HIVEP1: variants seen among roughly 807,000 people sequenced by gnomAD.
HIVEP1 encodes zinc finger protein 40.
In HIVEP1, 36 loss-of-function variants were observed where a neutral mutation model predicts 180.0. The ratio of observed to expected loss-of-function variants is 0.20; its 90% confidence interval spans 0.15 to 0.26. The LOEUF (loss-of-function observed/expected upper bound fraction) is 0.26, where lower values mean the gene tolerates loss of function less well. HIVEP1 is among the 10% of genes least tolerant of loss of function. The pLI, the probability that HIVEP1 is intolerant of heterozygous loss-of-function variation, is 1.00. For synonymous variants in HIVEP1, 1,239 were observed against 1,239.0 expected (o/e 1.00, Z 0.00); for missense variants, 3,143 against 3,268.7 (o/e 0.96, Z 0.94).
the HIVEP1 span, among the ~76,000 whole-genome samples, chr6:12,177,690 T>C: frequency 2.6e-5 from 4 of 152,204 alleles, no homozygotes; most frequent in African/African-American, 9.6e-5. Context: ...AAATGTCCCT[T>C]CTTGCTCTGA....
rs1274284524 is a variant in HIVEP1, at chr6:12,063,023, C to A, written c.41-26161C>A. ...ATTCTTGTGCTAAATGTGAAGACTCCCCTGTTAGTAGTAGTTATTGCTAAC... is the reference window on the plus strand; with the variant it reads ...ATTCTTGTGCTAAATGTGAAGACTCACCTGTTAGTAGTAGTTATTGCTAAC... On this transcript the variant is annotated intron_variant, in intron 2 of 8. Transcript: ENST00000379388. The surrounding 1 kb of genome is among the most constrained non-coding windows in gnomAD (Gnocchi z 4.2). Among the ~76,000 whole-genome samples the A allele has an allele frequency of 1.3e-5, 2 of 151,982 alleles. No individual in the cohort carries two copies. The highest frequency in any genetic ancestry group is 1.3e-4 in the Admixed American group (2 of 15,262).
intron 2 of HIVEP1, among the ~76,000 whole-genome samples, chr6:12,066,910 T>G (rs566704304): frequency 6.6e-6 from 1 of 152,186 alleles, no homozygotes; most frequent in African/African-American, 2.4e-5. Context: ...ACATACACTT[T>G]ATTATATATA....
At chr6:12,106,073 TAC>T (rs913345774) in intron 3 of HIVEP1, among the ~76,000 whole-genome samples, 8 of 151,752 alleles carry the variant, frequency 5.3e-5, no homozygotes, top group South Asian at 2.1e-4. Flanking sequence ...TACATATATA[TAC>T]ACACACACAT....
chr6:12,110,968 T>G (rs1417934249), intron 3 of HIVEP1, among the ~76,000 whole-genome samples: 1 of 152,186 alleles, frequency 6.6e-6, no homozygotes, highest in Non-Finnish European at 1.5e-5. Context: ...AATTTTAACA[T>G]TGTTGTGTCT....
chr6:12,183,098 T>A, the HIVEP1 span, among the ~76,000 whole-genome samples: 1 of 152,208 alleles, frequency 6.6e-6, no homozygotes. Context: ...AAAGAAAATG[T>A]GCTTTCAACT....
chr6:12,114,818 T>TA (rs1272681645), intron 3 of HIVEP1, among the ~76,000 whole-genome samples: 10 of 152,208 alleles, frequency 6.6e-5, no homozygotes, highest in Non-Finnish European at 4.4e-5. Flanking sequence ...TTGAGATTGA[T>TA]GCCTGAGTTC....
chr6:12,015,299 T>C (rs1179350609), intron 1 of HIVEP1, among the ~76,000 whole-genome samples: 2 of 152,230 alleles, frequency 1.3e-5, no homozygotes, highest in Non-Finnish European at 2.9e-5. Context: ...GTTTTTTTAC[T>C]CTTGTCTGAT....
intron 7 of HIVEP1, among the ~76,000 whole-genome samples, 165 bp downstream of exon 7, chr6:12,136,057 C>T (rs1466796004): frequency 6.6e-6 from 1 of 151,918 alleles, no homozygotes; most frequent in African/African-American, 2.4e-5. Flanking sequence ...GATTGTCCTC[C>T]TTCCTCCTTC....
chr6:12,139,284 T>G (rs1025114585), intron 7 of HIVEP1, among the ~76,000 whole-genome samples: 2 of 152,124 alleles, frequency 1.3e-5, no homozygotes, highest in African/African-American at 2.4e-5. Flanking sequence ...TCCTGCCTCT[T>G]TCTTGAACAC....
chr6:12,072,357 C>T lies in HIVEP1; in HGVS notation c.41-16827C>T, dbSNP rs371282604. Among the ~76,000 whole-genome samples the T allele has an allele frequency of 2.6e-5, 4 of 152,212 alleles. No homozygotes were observed. In the East Asian group the frequency reaches 7.7e-4, roughly 29 times the overall value. ...GAATTCTAGTTAGACATTTTTAAAT[C>T]CTGTTGCCTCGCTGCTTCTCCCTCC... On this transcript the variant is annotated intron_variant, in intron 2 of 8. Transcript: ENST00000379388.
At chr6:12,020,671 T>A (rs2113597501) in intron 2 of HIVEP1, among the ~76,000 whole-genome samples, 1 of 152,326 alleles carries the variant, frequency 6.6e-6, no homozygotes, top group Middle Eastern at 3.4e-3. Context: ...AGGTGTTACT[T>A]ACTTTAGTTG....
downstream of HIVEP1, among the ~76,000 whole-genome samples, chr6:12,167,655 GTTATATATACATATATACA>G (rs1760750644): frequency 9.7e-6 from 1 of 103,374 alleles, no homozygotes; most frequent in Non-Finnish European, 2.0e-5. Flanking sequence ...ACATATATAT[GTTATATATACATATATACA>G]TATATGTGTA....
intron 7 of HIVEP1, among the ~76,000 whole-genome samples, chr6:12,140,884 T>C (rs1758984255): frequency 6.6e-6 from 1 of 152,158 alleles, no homozygotes; most frequent in African/African-American, 2.4e-5. Flanking sequence ...AAACCAAATC[T>C]ACATTTGATT....
chr6:12,140,254 A>T (rs930814876), intron 7 of HIVEP1, among the ~76,000 whole-genome samples: 2 of 152,260 alleles, frequency 1.3e-5, no homozygotes, highest in African/African-American at 4.8e-5. Flanking sequence ...ACTCCAACAG[A>T]TGTGCAGCTG....
chr6:12,040,887 G>T (rs1316341802), intron 2 of HIVEP1, among the ~76,000 whole-genome samples: 1 of 151,596 alleles, frequency 6.6e-6, no homozygotes, highest in Non-Finnish European at 1.5e-5. Flanking sequence ...GTGGTGGGGG[G>T]GACGTGCCAC....
Position 12,121,519 on chromosome 6 carries a change from C to T in HIVEP1, c.1724C>T (p.Thr575Ile). The T allele has an allele frequency of 6.2e-7, 1 of 1,614,158 alleles. No homozygotes were observed. The highest frequency in any genetic ancestry group is 8.5e-7 in the Non-Finnish European group (1 of 1,180,034). Residue 575 changes from threonine (T) to isoleucine (I), a missense_variant, in exon 4 of 9, where the codon ACT becomes ATT. Coordinates refer to ENST00000379388, the MANE Select transcript of HIVEP1 (RefSeq NM_002114.4). This position sits in a 1 kb window ranked among gnomAD's most constrained non-coding sequence, Gnocchi z 5.3. ...VHHVTVSPLR[T>I]DSPKAMDPKP... ...CATGTCACTGTGTCCCCCTTAAGAACTGACAGTCCAAAGGCCATGGATCCC... is the reference window on the plus strand; with the variant it reads ...CATGTCACTGTGTCCCCCTTAAGAATTGACAGTCCAAAGGCCATGGATCCC...
At position 12,077,983 on chromosome 6, in the gene HIVEP1, G is replaced by C. The variant is rs1027985852; in HGVS notation, c.41-11201G>C. ...GAAAAGAGGCTATATCTTGCTTGCT[G>C]TTGTATTTCCCCCACAGAGAATTAC... On this transcript the variant is annotated intron_variant, in intron 2 of 8. Coordinates refer to ENST00000379388, the MANE Select transcript of HIVEP1 (RefSeq NM_002114.4). Among the ~76,000 whole-genome samples, 4 of 152,276 alleles carry C rather than the reference G, an allele frequency of 2.6e-5. No homozygotes were observed. The South Asian group carries it at 8.3e-4, about 32-fold the overall frequency.
chr6:12,186,561 A>AAAG, the HIVEP1 span, among the ~76,000 whole-genome samples: 481 of 149,688 alleles, frequency 3.2e-3, 5 homozygotes, highest in African/African-American at 0.011. Flanking sequence ...AAAAAAAAAA[A>AAAG]GGCGTATACT....
intron 2 of HIVEP1, among the ~76,000 whole-genome samples, chr6:12,019,105 T>A (rs1304440900): frequency 6.6e-6 from 1 of 152,206 alleles, no homozygotes; most frequent in Non-Finnish European, 1.5e-5. Context: ...TTAGCTCTAG[T>A]AAGCACACTA....
Sources: allele counts gnomAD v4.1 joint callset (sites outside exome capture counted in the v4.1 genomes callset), GRCh38; gene constraint gnomAD v4.1.1; non-coding constraint Gnocchi (gnomAD v3.1); transcripts MANE v1.5; gene names NCBI Gene and HGNC (gene_info 2026-07-23, HGNC 2026-07-21).